Variants in FBXO34 observed in about 807,000 individuals in gnomAD.
The protein encoded by FBXO34 is F-box protein 34, also known as F-box only protein 34.
In FBXO34, 12 loss-of-function variants were observed where a neutral mutation model predicts 24.5. That is an observed-to-expected ratio of 0.49 (90% CI 0.31 to 0.79). FBXO34 has a LOEUF of 0.79. Ranked by LOEUF, FBXO34 falls within the 30% of genes least tolerant of loss-of-function variation. The pLI is 0.04. For synonymous variants in FBXO34, 320 were observed against 311.9 expected, an observed-to-expected ratio of 1.03 and a Z score of -0.27; for missense variants, 823 against 857.7, an observed-to-expected ratio of 0.96 and a Z score of 0.51.
chr14:55,428,119 C>CT, the FBXO34 span, among the ~76,000 whole-genome samples: 614 of 43,310 alleles, frequency 0.014, 196 homozygotes, highest in African/African-American at 0.036. Context: ...CATGCCTTAT[C>CT]TTTTTTTTTT....
At chr14:55,434,007 T>C in the FBXO34 span, among the ~76,000 whole-genome samples, 2 of 152,218 alleles carry the variant, frequency 1.3e-5, no homozygotes, top group African/African-American at 4.8e-5. Context: ...CCTCATTTAG[T>C]GCTCAGGGAA....
chr14:55,401,581 C>T, the FBXO34 span, among the ~76,000 whole-genome samples: 1 of 152,118 alleles, frequency 6.6e-6, no homozygotes, highest in Admixed American at 6.5e-5. Context: ...GTTGTTCCCC[C>T]CTAAAAAGTA....
exon 4 of FBXO34, chr14:55,361,861 A>G (rs1030864389): frequency 5.3e-5 from 8 of 152,224 alleles, no homozygotes; most frequent in Non-Finnish European, 1.2e-4. Context: ...GCTTTGACTT[A>G]AGGTAATGTG....
intron 1 of FBXO34, among the ~76,000 whole-genome samples, chr14:55,283,793 T>G (rs1413869044): frequency 2.0e-5 from 3 of 152,156 alleles, no homozygotes; most frequent in Non-Finnish European, 4.4e-5. Context: ...ACACTTTGTG[T>G]TTTCCCCCCT....
At chr14:55,424,238 C>T in the FBXO34 span, 1 of 1,612,300 alleles carries the variant, frequency 6.2e-7, no homozygotes, top group Admixed American at 1.7e-5. Flanking sequence ...GACCAGGAAA[C>T]AGTTCAGGCT....
At chr14:55,365,271 G>A (rs183501709), downstream of FBXO34, among the ~76,000 whole-genome samples, 33 of 150,362 alleles carry the variant, frequency 2.2e-4, no homozygotes, top group East Asian at 1.8e-3. Flanking sequence ...ACTATGTTGC[G>A]CAAGTTGGCC....
intron 1 of FBXO34, chr14:55,298,893 C>G: frequency 1.1e-5 from 18 of 1,596,214 alleles, no homozygotes; most frequent in Non-Finnish European, 1.5e-5. Context: ...GCAGCAGGCC[C>G]TGGAGAATGC....
the FBXO34 span, among the ~76,000 whole-genome samples, chr14:55,404,528 G>A: frequency 6.6e-6 from 1 of 152,128 alleles, no homozygotes; most frequent in African/African-American, 2.4e-5. Flanking sequence ...TATTTTCCAT[G>A]AAGTATGTCT....
At chr14:55,404,814 G>A in the FBXO34 span, among the ~76,000 whole-genome samples, 24,293 of 152,080 alleles carry the variant, frequency 0.16, 2,469 homozygotes, top group Middle Eastern at 0.26. Flanking sequence ...TAAAAATATA[G>A]TTCAGATCTA....
the FBXO34 span, chr14:55,411,453 C>A: frequency 1.3e-6 from 1 of 792,844 alleles, no homozygotes; most frequent in Non-Finnish European, 2.0e-6. Flanking sequence ...AGCAAAGCTC[C>A]GGTGCAGAGC....
intron 1 of FBXO34, among the ~76,000 whole-genome samples, chr14:55,344,599 G>A (rs188768462): frequency 9.2e-4 from 138 of 150,784 alleles, no homozygotes; most frequent in Non-Finnish European, 1.3e-3. Flanking sequence ...AGAATTTGCA[G>A]GTTTGTTACA....
chr14:55,326,174 A>C (rs1445700553), intron 1 of FBXO34: 1 of 152,256 alleles, frequency 6.6e-6, no homozygotes, highest in Non-Finnish European at 1.5e-5. Flanking sequence ...CTGTCATATT[A>C]CAAAGCTCTG....
chr14:55,284,759 G>T (rs370215123), intron 1 of FBXO34, among the ~76,000 whole-genome samples: 4 of 149,164 alleles, frequency 2.7e-5, no homozygotes, highest in African/African-American at 9.7e-5. Flanking sequence ...GGGACTACAG[G>T]CATGTGCCAC....
chr14:55,377,728 AT>A, the FBXO34 span: 5 of 890,384 alleles, frequency 5.6e-6, no homozygotes, highest in Admixed American at 1.1e-4. Flanking sequence ...GGAGTTTGGG[AT>A]TAGGGAACAC....
the FBXO34 span, among the ~76,000 whole-genome samples, chr14:55,412,504 C>T: frequency 6.6e-6 from 1 of 152,180 alleles, no homozygotes; most frequent in Non-Finnish European, 1.5e-5. Context: ...GGGCCATGCT[C>T]TAAGAGAATT....
At chr14:55,386,140 T>G in the FBXO34 span, 1 of 1,535,478 alleles carries the variant, frequency 6.5e-7, no homozygotes, top group Non-Finnish European at 8.9e-7. Flanking sequence ...CTGCAAACAG[T>G]TCCTGTGTAC....
chr14:55,365,254 G>C (rs1884656009), downstream of FBXO34, among the ~76,000 whole-genome samples: 1 of 151,054 alleles, frequency 6.6e-6, no homozygotes, highest in African/African-American at 2.4e-5. Flanking sequence ...AACAAAAATG[G>C]GGTCTCACTA....
intron 1 of FBXO34, among the ~76,000 whole-genome samples, chr14:55,322,837 T>G (rs2140026653): frequency 6.6e-6 from 1 of 151,948 alleles, no homozygotes; most frequent in East Asian, 1.9e-4. Flanking sequence ...CAGTGTTGGA[T>G]TTTACATTTT....
chr14:55,342,181 C>T lies in FBXO34; in HGVS notation c.-10-8200C>T, dbSNP rs190416446. On this transcript the variant is annotated intron_variant, in intron 1 of 1. Transcript: ENST00000313833. ...CCTTTCTCTACCTTCTGGAAGTTAG[C>T]TTCATTTGGTCAATATTATAGATAA... Among the ~76,000 whole-genome samples, 4 of 152,252 alleles carry T rather than the reference C, an allele frequency of 2.6e-5. No homozygotes were observed. The East Asian group carries it at 7.7e-4, about 29-fold the overall frequency.
Sources: allele counts gnomAD v4.1 joint callset (sites outside exome capture counted in the v4.1 genomes callset), GRCh38; gene constraint gnomAD v4.1.1; transcripts MANE v1.5; gene names NCBI Gene and HGNC (gene_info 2026-07-23, HGNC 2026-07-21).